ARID1B: variants seen among roughly 807,000 people sequenced by gnomAD.
ARID1B encodes the protein AT-rich interaction domain 1B.
Under a neutral mutation model 212.3 loss-of-function variants are expected in ARID1B, and 30 were observed. The ratio of observed to expected loss-of-function variants is 0.14; its 90% confidence interval spans 0.11 to 0.19. The LOEUF (loss-of-function observed/expected upper bound fraction) is 0.19, where lower values mean the gene tolerates loss of function less well. Ranked by LOEUF, ARID1B falls within the 10% of genes least tolerant of loss-of-function variation. The pLI, the probability that ARID1B is intolerant of heterozygous loss-of-function variation, is 1.00. For synonymous variants in ARID1B, 1,402 were observed against 1,301.7 expected (o/e 1.08, Z -1.66); for missense variants, 2,891 against 3,204.0 (o/e 0.90, Z 2.36).
chr6:156,970,602 T>G (rs2128344354), intron 4 of ARID1B, among the ~76,000 whole-genome samples: 1 of 152,334 alleles, frequency 6.6e-6, no homozygotes. Flanking sequence ...ACTGCCAAAT[T>G]TTTATGATTA....
At chr6:157,175,467 T>C (rs1792039981) in intron 11 of ARID1B, 1 of 152,256 alleles carries the variant, frequency 6.6e-6, no homozygotes, top group Non-Finnish European at 1.5e-5. Context: ...CTGAAAGAAG[T>C]AAATACTCAA....
chr6:156,907,004 C>T (rs1321048052), intron 3 of ARID1B, among the ~76,000 whole-genome samples: 40 of 152,106 alleles, frequency 2.6e-4, no homozygotes, highest in Admixed American at 2.6e-3. Flanking sequence ...TAAATTCTTG[C>T]TAATTCTGCT....
At chr6:157,099,037 C>T (rs1226131363) in intron 5 of ARID1B, among the ~76,000 whole-genome samples, 3 of 152,132 alleles carry the variant, frequency 2.0e-5, no homozygotes, top group Admixed American at 6.5e-5. Flanking sequence ...GATCTCAGAT[C>T]GCTGCAGCTT....
At chr6:156,916,546 A>G (rs1304701076) in intron 3 of ARID1B, among the ~76,000 whole-genome samples, 1 of 152,052 alleles carries the variant, frequency 6.6e-6, no homozygotes, top group African/African-American at 2.4e-5. Flanking sequence ...ATTAACCGAG[A>G]TTTAATACTT....
intron 4 of ARID1B, among the ~76,000 whole-genome samples, chr6:157,000,407 T>C (rs1778840909): frequency 6.6e-6 from 1 of 152,166 alleles, no homozygotes; most frequent in Non-Finnish European, 1.5e-5. Context: ...GATGGGGATG[T>C]GAGAACAGTA....
chr6:157,201,156 C>G lies in ARID1B; in HGVS notation c.4931C>G (p.Pro1644Arg). Residue 1644 changes from proline to arginine, a missense_variant, in exon 18 of 20, where the codon CCT becomes CGT. Coordinates refer to ENST00000636930, the MANE Select transcript of ARID1B (RefSeq NM_001374828.1). This position sits in a 1 kb window ranked among gnomAD's most constrained non-coding sequence, Gnocchi z 5.2. Reference sequence around the variant, plus strand: ...CCTTCTCACGTCAGCCAGCGTCAGCCTTATATGTCGTCCTCAGCCTCCATG... The same window carrying G: ...CCTTCTCACGTCAGCCAGCGTCAGCGTTATATGTCGTCCTCAGCCTCCATG... ...QWPSHVSQRQ[P>R]YMSSSASMQP... The G allele has an allele frequency of 6.2e-7, 1 of 1,614,152 alleles. No homozygotes were observed. The highest frequency in any genetic ancestry group is 8.5e-7 in the Non-Finnish European group (1 of 1,180,016).
chr6:156,782,199 C>T (rs1341341443), intron 1 of ARID1B, among the ~76,000 whole-genome samples: 1 of 151,464 alleles, frequency 6.6e-6, no homozygotes, highest in East Asian at 1.9e-4. Flanking sequence ...TAAATTACTG[C>T]CTGACTGTAG....
intron 4 of ARID1B, among the ~76,000 whole-genome samples, chr6:156,966,057 T>C (rs1794719443): frequency 2.0e-5 from 3 of 152,346 alleles, no homozygotes; most frequent in South Asian, 4.1e-4. Flanking sequence ...AGCTAAGATA[T>C]GTAGGATGTT....
At chr6:156,887,979 C>G (rs1389600884) in intron 2 of ARID1B, among the ~76,000 whole-genome samples, 1 of 152,178 alleles carries the variant, frequency 6.6e-6, no homozygotes, top group African/African-American at 2.4e-5. Flanking sequence ...TTCTAGTCCT[C>G]TTCTGGTAAA....
chr6:156,779,085 G>C lies in ARID1B; in HGVS notation c.1405G>C (p.Gly469Arg), dbSNP rs1778967436. ...GGMMMGPGGG[G>R]AASLSKAAAG... ...CATGATGATGGGCCCCGGGGGCGGC[G>C]GGGCCGCGAGCCTCAGCAAGGCGGC... The change falls in exon 1 of 20, where the codon GGG becomes CGG. Residue 469 changes from glycine (G) to arginine (R), a missense_variant. This residue lies in a region of ARID1B where 1,643 missense variants were observed against 1,544.0 expected (regional missense o/e 1.06). Transcript: ENST00000636930. 1 of 1,224,878 alleles carries C rather than the reference G, an allele frequency of 8.2e-7. No homozygotes were observed. The highest frequency in any genetic ancestry group is 1.0e-6 in the Non-Finnish European group (1 of 984,864). 75.9% of individuals were successfully genotyped at this position (1,224,878 alleles called of 1,614,324 possible). A position where few individuals can be genotyped will look rare whatever the true frequency, so the allele number is the denominator to read the frequency against.
chr6:157,122,605 G>C (rs937054445), intron 6 of ARID1B, among the ~76,000 whole-genome samples: 15 of 152,284 alleles, frequency 9.9e-5, no homozygotes, highest in African/African-American at 3.6e-4. Flanking sequence ...ACAAGCTCTG[G>C]GGCAGCAGAA....
At chr6:156,783,473 G>A (rs757794859) in intron 1 of ARID1B, among the ~76,000 whole-genome samples, 1 of 152,060 alleles carries the variant, frequency 6.6e-6, no homozygotes, top group Non-Finnish European at 1.5e-5. Flanking sequence ...AATAGAATGC[G>A]GTTGAGTTTT....
intron 4 of ARID1B, among the ~76,000 whole-genome samples, chr6:156,967,220 A>G (rs945891359): frequency 2.6e-4 from 39 of 152,356 alleles, no homozygotes; most frequent in African/African-American, 8.7e-4. Flanking sequence ...ATATTTGAAC[A>G]TTGGAAGATA....
In ARID1B at chr6:157,207,697, C is replaced by T. The variant is rs1355205710; in HGVS notation, c.6925C>T (p.Pro2309Ser). 2.5e-6 allele frequency: 4 copies of T among 1,608,492 alleles called. No individual in the cohort carries two copies. In the Admixed American group the frequency reaches 6.7e-5, roughly 27 times the overall value. Residue 2309 changes from proline (P) to serine (S), a missense_variant, in exon 20 of 20, where the codon CCC (proline) becomes TCC (serine). By Grantham distance (74) the Pro-to-Ser change is moderately conservative. Coordinates refer to ENST00000636930, the MANE Select transcript of ARID1B (RefSeq NM_001374828.1). The surrounding 1 kb of genome is among the most constrained non-coding windows in gnomAD (Gnocchi z 8.5). ...CAACCTCATGCACATGCAGCCCCCG[C>T]CCCTGGAACCACCTAGCGTAGACAT... is the stretch of plus-strand genomic sequence containing the variant. ...QHNLMHMQPP[P>S]LEPPSVDMMC... is the part of the protein sequence containing the mutation.
At chr6:156,969,567 T>C (rs1368143586) in intron 4 of ARID1B, among the ~76,000 whole-genome samples, 1 of 152,232 alleles carries the variant, frequency 6.6e-6, no homozygotes, top group East Asian at 1.9e-4. Flanking sequence ...CACAAAAACA[T>C]TTAAAACCTT....
In ARID1B at chr6:156,955,574, A is replaced by G. The variant is rs905790989; in HGVS notation, c.2247+19998A>G. On this transcript the variant is annotated intron_variant, in intron 4 of 19. Transcript: ENST00000636930. This position sits in a 1 kb window ranked among gnomAD's most constrained non-coding sequence, Gnocchi z 4.2. ...CATAATTTGCTATTGACATAATTTT[A>G]TCTTTATCAAGTTTTCTACATGAGA... 1.3e-5 allele frequency among the ~76,000 whole-genome samples: 2 copies of G among 152,216 alleles called. No individual in the cohort carries two copies. Among genetic ancestry groups the G allele is most frequent in the African/African-American group, 4.8e-5 (2 of 41,454 alleles).
intron 1 of ARID1B, among the ~76,000 whole-genome samples, chr6:156,800,136 A>G (rs956145794): frequency 2.6e-5 from 4 of 152,228 alleles, no homozygotes; most frequent in Non-Finnish European, 4.4e-5. Context: ...TTTCATTACA[A>G]TTCCCCTTTC....
chr6:157,002,844 T>C (rs1465745015), intron 4 of ARID1B, among the ~76,000 whole-genome samples: 1 of 152,240 alleles, frequency 6.6e-6, no homozygotes, highest in Non-Finnish European at 1.5e-5. Context: ...GACAGGATTA[T>C]GTAGAAAACA....
chr6:157,050,779 TGGAAA>T (rs1782548719), intron 4 of ARID1B, among the ~76,000 whole-genome samples: 1 of 152,188 alleles, frequency 6.6e-6, no homozygotes, highest in Admixed American at 6.5e-5. Context: ...TGATCAACAG[TGGAAA>T]GGTTTATGAT....
Sources: gnomAD v4.1 joint callset for allele counts (sites outside exome capture counted in the v4.1 genomes callset) on GRCh38, gnomAD v4.1.1 for gene constraint, gnomAD v4.1.1 regional missense constraint, Gnocchi (gnomAD v3.1) non-coding constraint, MANE v1.5 for transcripts, NCBI Gene and HGNC (gene_info 2026-07-23, HGNC 2026-07-21) for gene names.